Variants in AXIN2 observed in about 807,000 individuals in gnomAD.
AXIN2 encodes the protein axin 2, also known as axin-2.
A neutral mutation model predicts 74.7 loss-of-function variants in AXIN2; 21 were observed. The ratio of observed to expected loss-of-function variants is 0.28; its 90% CI spans 0.20 to 0.40. The LOEUF (loss-of-function observed/expected upper bound fraction) is 0.40, where lower values mean the gene tolerates loss of function less well. AXIN2 is among the 10% of genes least tolerant of loss of function. The pLI, the probability that AXIN2 is intolerant of heterozygous loss-of-function variation, is 1.00. For synonymous variants in AXIN2, 532 were observed against 454.9 expected, an observed-to-expected ratio of 1.17 and a Z score of -2.16; for missense variants, 1,144 against 1,111.1, an observed-to-expected ratio of 1.03 and a Z score of -0.42.
At position 65,536,349 on chromosome 17, in the gene AXIN2, T is replaced by A. The variant is rs1057524181; in HGVS notation, c.2112A>T (p.Leu704=). 6.2e-7 allele frequency: 1 copy of A among 1,613,116 alleles called. No individual in the cohort carries two copies. Among genetic ancestry groups the A allele is most frequent in the Non-Finnish European group, 8.5e-7 (1 of 1,179,860 alleles). Residue 704 remains leucine (L), a synonymous_variant, in exon 8 of 11, where the codon CTA becomes CTT. Transcript: ENST00000307078. ...GCTTTGGGGGCTTCGACACCTCAGC[T>A]AGCCTGCGACAGGCCTCCTCCAGCT... ...LAQLEEACRR[L]AEVSKPPKQR... is the part of the protein sequence containing the mutation.
intron 3 of AXIN2, among the ~76,000 whole-genome samples, chr17:65,544,003 A>G (rs760534186): frequency 6.6e-6 from 1 of 152,108 alleles, no homozygotes; most frequent in Non-Finnish European, 1.5e-5. Context: ...GACAATGTCT[A>G]TCCTCCATCT....
chr17:65,552,656 T>C (rs2144555213), intron 2 of AXIN2, among the ~76,000 whole-genome samples: 1 of 152,202 alleles, frequency 6.6e-6, no homozygotes, highest in South Asian at 2.1e-4. Context: ...TCTGAGGTCC[T>C]CCAAATGAAC....
intron 1 of AXIN2, 139 bp from the exon 2 acceptor site, chr17:65,558,875 C>G (rs2044318571): frequency 1.8e-6 from 1 of 547,154 alleles, no homozygotes; most frequent in Admixed American, 3.1e-5. Context: ...ACCCAGCTAT[C>G]TGCGAGGTGC....
intron 2 of AXIN2, among the ~76,000 whole-genome samples, chr17:65,551,483 G>T (rs778621978): frequency 6.6e-6 from 1 of 152,150 alleles, no homozygotes; most frequent in African/African-American, 2.4e-5. Flanking sequence ...CCAGGGGACC[G>T]GCAGGGAGAA....
chr17:65,530,938 C>G (rs923208235), intron 10 of AXIN2, among the ~76,000 whole-genome samples: 2 of 152,216 alleles, frequency 1.3e-5, no homozygotes, highest in African/African-American at 2.4e-5. Context: ...GTGCCACATT[C>G]GGAAACAACT....
At chr17:65,530,377 T>C (rs1049457999) in intron 10 of AXIN2, among the ~76,000 whole-genome samples, 2 of 152,134 alleles carry the variant, frequency 1.3e-5, no homozygotes, top group African/African-American at 4.8e-5. Flanking sequence ...CTCTGCTGTC[T>C]CCTGACACGT....
rs1598097741 is a variant in AXIN2 at position 65,536,904 on chromosome 17, C to T, written c.1872G>A (p.Leu624=). Residue 624 remains leucine, a synonymous_variant, in exon 7 of 11, where the codon CTG becomes CTA. Transcript: ENST00000307078. ...TGGGCTTGCTCTGCCGCTCACTCTC[C>T]AGCATCCACTGCCAGACATCCTGCG... ...DRSQDVWQWM[L]ESERQSKPKP... is the part of the protein sequence containing the mutation. 2 of 1,613,652 alleles carry T rather than the reference C, an allele frequency of 1.2e-6. No homozygotes were observed. The highest frequency in any genetic ancestry group is 1.7e-6 in the Non-Finnish European group (2 of 1,179,998).
chr17:65,532,935 C>T (rs113217985), intron 10 of AXIN2, among the ~76,000 whole-genome samples: 12 of 152,200 alleles, frequency 7.9e-5, no homozygotes, highest in African/African-American at 2.7e-4. Context: ...CAGCCTGGAG[C>T]CCTAAACCTG....
chr17:65,533,858 C>G lies in AXIN2; in HGVS notation c.2405+54G>C. On this transcript the variant is annotated intron_variant, in intron 10 of 10. Transcript: ENST00000307078. ...CCAGGGGAGCTGCTCCAGGCTCTGG[C>G]TCTTGGTTCTGAGCAAACAAACTGA... 2.2e-6 allele frequency: 3 copies of G among 1,347,136 alleles called. No individual in the cohort carries two copies. The South Asian group carries it at 3.5e-5, about 16-fold the overall frequency. The allele number at this position is 1,347,136 out of a possible 1,614,324, so 83.4% of individuals were successfully genotyped here.
At chr17:65,547,217 C>A (rs1035822364) in intron 3 of AXIN2, among the ~76,000 whole-genome samples, 9 of 152,198 alleles carry the variant, frequency 5.9e-5, no homozygotes, top group Non-Finnish European at 1.0e-4. Flanking sequence ...TTCTACCCCT[C>A]CCAGAACCAG....
At chr17:65,535,530 C>A in intron 9 of AXIN2, 96 bp downstream of exon 9, 1 of 1,277,724 alleles carries the variant, frequency 7.8e-7, no homozygotes. Context: ...TTTTAAAAAC[C>A]AAAAAAAGTT....
At chr17:65,531,880 C>G (rs1174287947) in intron 10 of AXIN2, among the ~76,000 whole-genome samples, 2 of 152,060 alleles carry the variant, frequency 1.3e-5, no homozygotes, top group African/African-American at 4.8e-5. Flanking sequence ...CATCCCAGGT[C>G]CCCCCCACCT....
In AXIN2 at chr17:65,537,554, C is replaced by T. The variant is rs1057522677; in HGVS notation, c.1482G>A (p.Pro494=). ...TGCCCCCGAGGAGGGGGCAGGCGCC[C>T]GGCGAGGCGGCCGCGGGAGGCAGCT... ...GGKLPPAAAS[P]GACPLLGGKG... is the part of the protein sequence containing the mutation. The change falls in exon 6 of 11, where the codon CCG becomes CCA. Residue 494 remains proline (P), a synonymous_variant. Coordinates refer to ENST00000307078, the MANE Select transcript of AXIN2 (RefSeq NM_004655.4). 5.0e-6 allele frequency: 8 copies of T among 1,612,060 alleles called. No individual in the cohort carries two copies. The highest frequency in any genetic ancestry group is 1.7e-5 in the Admixed American group (1 of 59,868).
At position 65,549,628 on chromosome 17, in the gene AXIN2, T is replaced by C. The variant is rs1309872479; in HGVS notation, c.848A>G (p.Tyr283Cys). The C allele has an allele frequency of 1.9e-6, 3 of 1,604,620 alleles. No individual in the cohort carries two copies. The Admixed American group carries it at 5.1e-5, about 27-fold the overall frequency. Residue 283 changes from tyrosine to cysteine, a missense_variant, in exon 3 of 11, where the codon TAT becomes TGT. Physicochemically the swap from Tyr to Cys is radical, Grantham distance 194. Around this residue, in one of 4 missense-constraint regions of AXIN2, gnomAD observed 1,053 missense variants for 973.5 expected, o/e 1.08. Coordinates refer to ENST00000307078, the MANE Select transcript of AXIN2 (RefSeq NM_004655.4). ...SFKRSDPVNP[Y>C]HIGSGYVFAP... ...AAAGACATAGCCAGAACCTATGTGATAAGGATTAACAGGATCGCTCCTCTT... is the reference window on the plus strand; with the variant it reads ...AAAGACATAGCCAGAACCTATGTGACAAGGATTAACAGGATCGCTCCTCTT...
intron 2 of AXIN2, among the ~76,000 whole-genome samples, chr17:65,556,032 G>A (rs945826472): frequency 1.3e-5 from 2 of 152,100 alleles, no homozygotes; most frequent in Admixed American, 1.3e-4. Flanking sequence ...CTGGAAAACA[G>A]GAGCTTCTGT....
At chr17:65,537,999 T>C (rs926783750) in intron 5 of AXIN2, 164 bp from the exon 6 acceptor site, 6 of 1,313,054 alleles carry the variant, frequency 4.6e-6, no homozygotes, top group Non-Finnish European at 6.3e-6. Context: ...CAAGCACATA[T>C]CCACACGCAT....
chr17:65,542,606 TAG>T (rs1269965210), intron 3 of AXIN2, among the ~76,000 whole-genome samples: 2 of 152,150 alleles, frequency 1.3e-5, no homozygotes, highest in Admixed American at 1.3e-4. Context: ...CATTAACAAG[TAG>T]AAGAATTTTT....
chr17:65,534,983 G>A (rs888553992), intron 9 of AXIN2, among the ~76,000 whole-genome samples: 1 of 152,176 alleles, frequency 6.6e-6, no homozygotes. Context: ...TACACTTAGG[G>A]TCAACCAATT....
intron 4 of AXIN2, among the ~76,000 whole-genome samples, chr17:65,539,503 C>T (rs994184928): frequency 6.6e-6 from 1 of 152,206 alleles, no homozygotes; most frequent in Non-Finnish European, 1.5e-5. Context: ...GGCGATAGAA[C>T]TTTTCTTTGT....
Sources: gnomAD v4.1 joint callset for allele counts (sites outside exome capture counted in the v4.1 genomes callset) on GRCh38, gnomAD v4.1.1 for gene constraint, gnomAD v4.1.1 regional missense constraint, MANE v1.5 for transcripts, NCBI Gene and HGNC (gene_info 2026-07-23, HGNC 2026-07-21) for gene names.